Variants in TRPV6 observed in about 807,000 individuals in gnomAD.
The protein encoded by TRPV6 is transient receptor potential cation channel subfamily V member 6, also known as Alu-binding protein with zinc finger domain.
In TRPV6, 39 loss-of-function variants were observed where a neutral mutation model predicts 79.0. That is an observed-to-expected ratio of 0.49 (90% CI 0.38 to 0.64). The LOEUF (loss-of-function observed/expected upper bound fraction) is 0.64, where lower values mean the gene tolerates loss of function less well. TRPV6 is among the 30% of genes least tolerant of loss of function. The pLI is 0.00. For missense variants in TRPV6, 813 were observed against 1,011.1 expected (o/e 0.80, Z 2.66); for synonymous variants, 373 against 391.9 (o/e 0.95, Z 0.57).
chr7:142,877,353 AGTCTC>A, intron 3 of TRPV6, 74 bp from the exon 4 acceptor site: 1 of 1,582,802 alleles, frequency 6.3e-7, no homozygotes, highest in African/African-American at 1.3e-5. Context: ...TATGCACCCC[AGTCTC>A]TTTCCCTCAG....
chr7:142,882,870 C>T (rs972666566), intron 1 of TRPV6: 2 of 152,174 alleles, frequency 1.3e-5, no homozygotes, highest in Non-Finnish European at 2.9e-5. Flanking sequence ...CAAATTGCTC[C>T]TTAGATGACA....
At chr7:142,877,476 G>A (rs1795100812) in intron 3 of TRPV6, 175 bp downstream of exon 3, 3 of 1,441,134 alleles carry the variant, frequency 2.1e-6, no homozygotes, top group Non-Finnish European at 2.8e-6. Flanking sequence ...ATTTCAGGGG[G>A]CAGGCGTTCT....
intron 2 of TRPV6, 50 bp downstream of exon 2, chr7:142,877,879 C>T: frequency 1.2e-6 from 2 of 1,613,554 alleles, no homozygotes. Flanking sequence ...CCTGGGAGGC[C>T]CCATGTGTGG....
Position 142,871,772 on chromosome 7 carries a change from T to C in TRPV6, c.2233A>G (p.Arg745Gly). Residue 745 changes from arginine to glycine, a missense_variant, in exon 15 of 15, where the codon AGA becomes GGA. By Grantham distance (125) the Arg-to-Gly change is moderately radical. This residue lies in a region of TRPV6 where 164 missense variants were observed against 186.1 expected (regional missense o/e 0.88). Coordinates refer to ENST00000359396, the MANE Select transcript of TRPV6 (RefSeq NM_018646.6). ...CTGTTGATTATCCCACGCAGGTCTC[T>C]CCTCAGGGTCCCTTGCCGAAGCCTT... 1 of 1,614,176 alleles carries C rather than the reference T, an allele frequency of 6.2e-7. No homozygotes were observed. The highest frequency in any genetic ancestry group is 1.3e-5 in the African/African-American group (1 of 75,048).
In TRPV6 at chr7:142,875,734, ACAGCCTGCTGT is replaced by A; in HGVS notation, c.1029+13_1029+23del. 1 of 1,598,260 alleles carries A rather than the reference ACAGCCTGCTGT, an allele frequency of 6.3e-7. No homozygotes were observed. Among genetic ancestry groups the A allele is most frequent in the Non-Finnish European group, 8.5e-7 (1 of 1,171,034 alleles). On this transcript the variant is annotated intron_variant, in intron 7 of 14. Transcript: ENST00000359396. ...GAGACCCTGACACCCCTCCCCAGCC[ACAGCCTGCTGT>A]CATGAGCCATACCTCCCGCTTCTTG...
In TRPV6 at chr7:142,871,859, G is replaced by C. The variant is rs759857418; in HGVS notation, c.2146C>G (p.His716Asp). 8 of 1,614,152 alleles carry C rather than the reference G, an allele frequency of 5.0e-6. No individual in the cohort carries two copies. The South Asian group carries it at 8.8e-5, about 18-fold the overall frequency. ...ACTGAGGGCATAGGAAGGGACAGGTGGGGGCTGAAGGGACAGCCCAGCTCT... is the reference window on the plus strand; with the variant it reads ...ACTGAGGGCATAGGAAGGGACAGGTCGGGGCTGAAGGGACAGCCCAGCTCT... Residue 716 changes from histidine to aspartate, a missense_variant, in exon 15 of 15, where the codon CAC (histidine) becomes GAC (aspartate). By Grantham distance (81) the His-to-Asp change is moderately conservative. This residue lies in a region of TRPV6 where 164 missense variants were observed against 186.1 expected (regional missense o/e 0.88). Coordinates refer to ENST00000359396, the MANE Select transcript of TRPV6 (RefSeq NM_018646.6).
Position 142,874,672 on chromosome 7 carries a change from G to C in TRPV6, c.1407-16C>G, listed in dbSNP as rs1195074626. 1 of 1,609,654 alleles carries C rather than the reference G, an allele frequency of 6.2e-7. No homozygotes were observed. Among genetic ancestry groups the C allele is most frequent in the Admixed American group, 1.7e-5 (1 of 59,378 alleles). On this transcript the variant is annotated splice_polypyrimidine_tract_variant and intron_variant, in intron 10 of 14. Coordinates refer to ENST00000359396, the MANE Select transcript of TRPV6 (RefSeq NM_018646.6). ...ATAGGTGATGCTGGGGGAGCAGGGA[G>C]GAGGGTGATGAGGGGAGGGCTGGGA...
Position 142,871,453 on chromosome 7 carries a change from G to T in TRPV6, c.*254C>A. On this transcript the variant is annotated 3_prime_UTR_variant, in exon 15 of 15. Coordinates refer to ENST00000359396, the MANE Select transcript of TRPV6 (RefSeq NM_018646.6). ...CATGCAGTGCTCCTGTCGGAAGGGTGATGAGCAGGCCACAGGAGAGTTCCT... is the reference window on the plus strand; with the variant it reads ...CATGCAGTGCTCCTGTCGGAAGGGTTATGAGCAGGCCACAGGAGAGTTCCT... 1.9e-6 allele frequency: 1 copy of T among 523,612 alleles called. No individual in the cohort carries two copies. Among genetic ancestry groups the T allele is most frequent in the Non-Finnish European group, 3.4e-6 (1 of 295,296 alleles). 32.4% of individuals were successfully genotyped at this position (523,612 alleles called of 1,614,324 possible).
intron 1 of TRPV6, chr7:142,883,516 AC>A (rs1297141875): frequency 6.6e-6 from 1 of 152,196 alleles, no homozygotes; most frequent in Non-Finnish European, 1.5e-5. Context: ...AACAGGACCC[AC>A]CTTCCATTAT....
In TRPV6 at chr7:142,875,221, T is replaced by C. The variant is rs1795033496; in HGVS notation, c.1243-57A>G. On this transcript the variant is annotated intron_variant, in intron 8 of 14. Transcript: ENST00000359396. ...AGGGCTTTCAGGCCTCTGCCCTGCA[T>C]TTCCATGGTGCCCAGGGTCACCAGT... 4 of 1,589,976 alleles carry C rather than the reference T, an allele frequency of 2.5e-6. No homozygotes were observed. In the East Asian group the frequency reaches 6.7e-5, roughly 27 times the overall value.
At position 142,885,658 on chromosome 7, in the gene TRPV6, A is replaced by G; in HGVS notation, c.-22T>C. Reference sequence around the variant, plus strand: ...CCGTCTCCTGTCTCCTGCCTTCCTGACGAGTTCCTTGGGAGTCTCCCAGCA... The same window carrying G: ...CCGTCTCCTGTCTCCTGCCTTCCTGGCGAGTTCCTTGGGAGTCTCCCAGCA... On this transcript the variant is annotated 5_prime_UTR_variant, in exon 1 of 15. Transcript: ENST00000359396. The G allele has an allele frequency of 8.2e-7, 1 of 1,218,826 alleles. No individual in the cohort carries two copies. The highest frequency in any genetic ancestry group is 1.6e-5 in the South Asian group (1 of 61,240). 75.5% of individuals were successfully genotyped at this position (1,218,826 alleles called of 1,614,324 possible).
rs562196909 is a variant in TRPV6 at position 142,871,523 on chromosome 7, A to G, written c.*184T>C. 2.1e-5 allele frequency: 16 copies of G among 748,074 alleles called. No homozygotes were observed. The East Asian group carries it at 3.6e-4, about 17-fold the overall frequency. The allele number at this position is 748,074 out of a possible 1,614,324, so 46.3% of individuals were successfully genotyped here. ...GCTTGGGCTGGGCTTCCTCTGCCCCAGAGCTGAAGGAGTAATGCAGGCCTG... is the reference window on the plus strand; with the variant it reads ...GCTTGGGCTGGGCTTCCTCTGCCCCGGAGCTGAAGGAGTAATGCAGGCCTG... On this transcript the variant is annotated 3_prime_UTR_variant, in exon 15 of 15. Coordinates refer to ENST00000359396, the MANE Select transcript of TRPV6 (RefSeq NM_018646.6).
rs761580989 is a variant in TRPV6 at position 142,873,401 on chromosome 7, G to T, written c.1908+47C>A. On this transcript the variant is annotated intron_variant, in intron 13 of 14. Coordinates refer to ENST00000359396, the MANE Select transcript of TRPV6 (RefSeq NM_018646.6). The surrounding 1 kb of genome is among the most constrained non-coding windows in gnomAD (Gnocchi z 4.8). ...TCTCAGCTTGGCAGGTTCCTTGGTA[G>T]GAAGGGGATGACTTGCCCTAACCCT... 2.5e-6 allele frequency: 4 copies of T among 1,601,344 alleles called. No individual in the cohort carries two copies. In the South Asian group the frequency reaches 4.4e-5, roughly 18 times the overall value.
intron 1 of TRPV6, 183 bp downstream of exon 1, chr7:142,885,204 CCT>C: frequency 1.7e-6 from 1 of 586,216 alleles, no homozygotes; most frequent in East Asian, 3.1e-5. Flanking sequence ...TCAACCCCAT[CCT>C]CTTTCACCAG....
intron 13 of TRPV6, 94 bp from the exon 14 acceptor site, chr7:142,872,572 G>A: frequency 7.1e-6 from 9 of 1,271,734 alleles, no homozygotes; most frequent in Non-Finnish European, 1.0e-5. Flanking sequence ...TTCAGTGGGA[G>A]AGAGTTGATA....
In TRPV6 at chr7:142,871,920, G is replaced by A. The variant is rs1014387712; in HGVS notation, c.2085C>T (p.Gly695=). 6.2e-7 allele frequency: 1 copy of A among 1,614,148 alleles called. No individual in the cohort carries two copies. The highest frequency in any genetic ancestry group is 1.1e-5 in the South Asian group (1 of 91,068). ...CTGAGTCTTTGTCCAAATCCTCAGAGCCCCGGGTGTGGAAGGCCTGTGCGT... is the reference window on the plus strand; with the variant it reads ...CTGAGTCTTTGTCCAAATCCTCAGAACCCCGGGTGTGGAAGGCCTGTGCGT... The change falls in exon 15 of 15, where the codon GGC becomes GGT. Residue 695 remains glycine (G), a synonymous_variant. Coordinates refer to ENST00000359396, the MANE Select transcript of TRPV6 (RefSeq NM_018646.6).
rs766525653 is a variant in TRPV6 at position 142,874,159 on chromosome 7, GC to G, written c.1573-18del. On this transcript the variant is annotated intron_variant, in intron 11 of 14. Coordinates refer to ENST00000359396, the MANE Select transcript of TRPV6 (RefSeq NM_018646.6). ...AAAAATCATCTAGAAGGAGCAGGAG[GC>G]AGAGAACATCTGCACACATTCCCCA... The G allele has an allele frequency of 8.1e-6, 13 of 1,612,082 alleles. No individual in the cohort carries two copies. Among genetic ancestry groups the G allele is most frequent in the Non-Finnish European group, 1.1e-5 (13 of 1,179,024 alleles).
Position 142,873,306 on chromosome 7 carries a change from G to T in TRPV6, c.1908+142C>A. ...GGTTGAATTGCTAATCAGTGCTTCT[G>T]TACATTTTGCATGATTTTGCTAGCT... On this transcript the variant is annotated intron_variant, in intron 13 of 14. Transcript: ENST00000359396. This position sits in a 1 kb window ranked among gnomAD's most constrained non-coding sequence, Gnocchi z 4.8. The T allele has an allele frequency of 8.6e-7, 1 of 1,163,296 alleles. No homozygotes were observed. Among genetic ancestry groups the T allele is most frequent in the Non-Finnish European group, 1.2e-6 (1 of 811,158 alleles). 72.1% of individuals were successfully genotyped at this position (1,163,296 alleles called of 1,614,324 possible).
intron 3 of TRPV6, 115 bp from the exon 4 acceptor site, chr7:142,877,394 A>T (rs1472560876): frequency 2.0e-6 from 3 of 1,524,324 alleles, no homozygotes; most frequent in Non-Finnish European, 2.6e-6. Context: ...GAGAACAGGG[A>T]GCTCTCGGGT....
Sources: gnomAD v4.1 joint callset for allele counts on GRCh38, gnomAD v4.1.1 for gene constraint, gnomAD v4.1.1 regional missense constraint, Gnocchi (gnomAD v3.1) non-coding constraint, MANE v1.5 for transcripts, NCBI Gene and HGNC (gene_info 2026-07-23, HGNC 2026-07-21) for gene names.